Variants in GABPB1 observed in about 807,000 individuals in gnomAD.
The protein encoded by GABPB1 is GA binding protein transcription factor subunit beta 1.
In GABPB1, 15 loss-of-function variants were observed where a neutral mutation model predicts 45.9. The observed-to-expected ratio is 0.33, with a 90% confidence interval of 0.22 to 0.50. The LOEUF (loss-of-function observed/expected upper bound fraction) is 0.50. Among genes scored for constraint, GABPB1 ranks in the 20% least tolerant of loss-of-function variants. The pLI is 0.98. For synonymous variants in GABPB1, 143 were observed against 154.4 expected (o/e 0.93, Z 0.55); for missense variants, 252 against 457.5 (o/e 0.55, Z 4.10).
intron 6 of GABPB1, among the ~76,000 whole-genome samples, chr15:50,296,210 T>A (rs1012459692): frequency 6.6e-6 from 1 of 152,104 alleles, no homozygotes; most frequent in African/African-American, 2.4e-5. Flanking sequence ...CCAGGAAAAA[T>A]GTGTATTGTA....
intron 1 of GABPB1, 104 bp from the exon 2 acceptor site, chr15:50,309,902 C>G (rs1188154130): frequency 3.0e-6 from 2 of 674,080 alleles, no homozygotes; most frequent in Non-Finnish European, 5.2e-6. Flanking sequence ...CTCAATTATC[C>G]CTTCAAAAGA....
intron 1 of GABPB1, among the ~76,000 whole-genome samples, chr15:50,348,730 C>T (rs775077927): frequency 2.6e-5 from 4 of 151,872 alleles, no homozygotes; most frequent in Admixed American, 6.6e-5. Context: ...GGCGTCGTGG[C>T]GCGCACCTGT....
intron 1 of GABPB1, chr15:50,351,322 A>G (rs1044048098): frequency 5.9e-5 from 9 of 152,436 alleles, no homozygotes; most frequent in African/African-American, 2.2e-4. Flanking sequence ...GACGCCTATA[A>G]TCCCAACACT....
intron 6 of GABPB1, among the ~76,000 whole-genome samples, chr15:50,299,305 AT>A (rs1270556839): frequency 6.6e-6 from 1 of 152,266 alleles, no homozygotes; most frequent in Non-Finnish European, 1.5e-5. Context: ...CGACATAATA[AT>A]TACATCAAGA....
chr15:50,283,477 G>C (rs906148377), intron 8 of GABPB1, among the ~76,000 whole-genome samples: 1 of 150,830 alleles, frequency 6.6e-6, no homozygotes, highest in South Asian at 2.1e-4. Flanking sequence ...CCTCTCCATT[G>C]TTAGTTGGGA....
chr15:50,289,406 A>C, intron 7 of GABPB1, 77 bp downstream of exon 7: 16 of 827,796 alleles, frequency 1.9e-5, no homozygotes, highest in Non-Finnish European at 2.7e-5. Flanking sequence ...ATCTTTTTGG[A>C]CTGCAGGGAA....
chr15:50,326,414 T>C (rs911355500), intron 1 of GABPB1, among the ~76,000 whole-genome samples: 2 of 151,732 alleles, frequency 1.3e-5, no homozygotes, highest in South Asian at 2.1e-4. Context: ...TCCCAGCACT[T>C]TGGGAGGCTG....
At chr15:50,324,258 C>A (rs1377626302) in intron 1 of GABPB1, among the ~76,000 whole-genome samples, 1 of 152,084 alleles carries the variant, frequency 6.6e-6, no homozygotes, top group Non-Finnish European at 1.5e-5. Context: ...GCCAGGCCAA[C>A]AGTAAGTGCT....
rs187735941 is a variant in GABPB1 at position 50,338,036 on chromosome 15, G to T, written c.-1+16949C>A. Among the ~76,000 whole-genome samples, 825 of 152,192 alleles carry T rather than the reference G, an allele frequency of 5.4e-3. 6 individuals are homozygous for T. Among genetic ancestry groups the T allele is most frequent in the African/African-American group, 0.019 (790 of 41,546 alleles). On this transcript the variant is annotated intron_variant, in intron 1 of 8. Coordinates refer to ENST00000380877, the MANE Select transcript of GABPB1 (RefSeq NM_016654.5). Reference sequence around the variant, plus strand: ...CTCTAAATTATATAGCAAAAGCTTAGTTTTTTTGGTTTTTGTGTTTTGAGA... The same window carrying T: ...CTCTAAATTATATAGCAAAAGCTTATTTTTTTTGGTTTTTGTGTTTTGAGA...
At chr15:50,332,136 A>C (rs1331262299) in intron 1 of GABPB1, among the ~76,000 whole-genome samples, 1 of 151,956 alleles carries the variant, frequency 6.6e-6, no homozygotes, top group Non-Finnish European at 1.5e-5. Context: ...CGGCCTCCCA[A>C]AGTGCTGAGA....
intron 1 of GABPB1, among the ~76,000 whole-genome samples, chr15:50,341,107 AT>A (rs1370165903): frequency 6.6e-6 from 1 of 151,898 alleles, no homozygotes; most frequent in African/African-American, 2.4e-5. Context: ...TTAAATGTTA[AT>A]GTTGTCATAA....
At chr15:50,321,945 C>T (rs1353739385) in intron 1 of GABPB1, among the ~76,000 whole-genome samples, 3 of 148,602 alleles carry the variant, frequency 2.0e-5, no homozygotes, top group African/African-American at 7.5e-5. Context: ...TGGATATTAT[C>T]TTTTTATTGG....
chr15:50,325,956 G>A (rs2141110495), intron 1 of GABPB1, among the ~76,000 whole-genome samples: 1 of 150,952 alleles, frequency 6.6e-6, no homozygotes, highest in South Asian at 2.1e-4. Context: ...CGCCCAGGCT[G>A]GAGTGCAATG....
intron 1 of GABPB1, among the ~76,000 whole-genome samples, chr15:50,324,951 G>A (rs8036354): frequency 0.47 from 71,483 of 151,836 alleles, 18,257 homozygotes; most frequent in Middle Eastern, 0.65. Flanking sequence ...TGGGGAGACT[G>A]TGGGATTATG....
intron 1 of GABPB1, among the ~76,000 whole-genome samples, chr15:50,346,041 GA>G (rs2048565974): frequency 6.6e-6 from 1 of 152,168 alleles, no homozygotes; most frequent in East Asian, 1.9e-4. Context: ...AGGTAGGGAA[GA>G]AAAAACATTG....
At chr15:50,318,317 G>T in intron 1 of GABPB1, among the ~76,000 whole-genome samples, 1 of 152,170 alleles carries the variant, frequency 6.6e-6, no homozygotes, top group Non-Finnish European at 1.5e-5. Context: ...TTTAAGTTTA[G>T]TGTCTCCCAG....
chr15:50,275,529 G>C lies in GABPB1; in HGVS notation c.*3103C>G, dbSNP rs1456369125. 1 of 152,156 alleles carries C rather than the reference G, an allele frequency of 6.6e-6. No homozygotes were observed. Among genetic ancestry groups the C allele is most frequent in the African/African-American group, 2.4e-5 (1 of 41,442 alleles). The allele number at this position is 152,156 out of a possible 1,614,324, so 9.4% of individuals were successfully genotyped here. On this transcript the variant is annotated 3_prime_UTR_variant, in exon 9 of 9. Coordinates refer to ENST00000380877, the MANE Select transcript of GABPB1 (RefSeq NM_016654.5). ...AATACCCTGATAAACCCATTGTAAA[G>C]TCAAACAATCATAAATCAAAGCATC... is the stretch of plus-strand genomic sequence containing the variant.
intron 1 of GABPB1, among the ~76,000 whole-genome samples, chr15:50,320,501 C>G (rs1972699): frequency 0.65 from 99,019 of 152,124 alleles, 33,550 homozygotes; most frequent in African/African-American, 0.83. Context: ...ATCTTCCTGT[C>G]TCTGTACACA....
intron 3 of GABPB1, 64 bp from the exon 4 acceptor site, chr15:50,303,187 A>C: frequency 8.8e-6 from 11 of 1,246,236 alleles, no homozygotes; most frequent in Non-Finnish European, 1.2e-5. Flanking sequence ...TCCTGATATG[A>C]AATTATTAGT....
Sources: gnomAD v4.1 joint callset for allele counts (sites outside exome capture counted in the v4.1 genomes callset) on GRCh38, gnomAD v4.1.1 for gene constraint, MANE v1.5 for transcripts, NCBI Gene and HGNC (gene_info 2026-07-23, HGNC 2026-07-21) for gene names.